The following FAT1 variants were observed in gnomAD, a reference collection of about 807,000 sequenced individuals.
FAT1 encodes the protein protocadherin Fat 1.
FAT1 carries 171 observed loss-of-function variants against 329.8 expected under a neutral mutation model. The ratio of observed to expected loss-of-function variants is 0.52; its 90% CI spans 0.46 to 0.59. The LOEUF (loss-of-function observed/expected upper bound fraction) is 0.59, where lower values mean the gene tolerates loss of function less well. Ranked by LOEUF, FAT1 falls within the 20% of genes least tolerant of loss-of-function variation. The probability of loss-of-function intolerance (pLI) is 0.00; values close to 1 mark genes in which losing one functional copy is unlikely to be tolerated. For missense variants in FAT1, 5,672 were observed against 5,774.4 expected (o/e 0.98, Z 0.57); for synonymous variants, 2,233 against 2,228.6 (o/e 1.00, Z -0.06).
chr4:186,687,728 A>G (rs1472011614), intron 2 of FAT1, among the ~76,000 whole-genome samples: 2 of 152,208 alleles, frequency 1.3e-5, no homozygotes, highest in Non-Finnish European at 2.9e-5. Context: ...AAGATGCTCA[A>G]CTTCTATTAG....
At position 186,596,233 on chromosome 4, in the gene FAT1, A is replaced by AT. The variant is rs1560917540; in HGVS notation, c.13000+306dup. ...TCCTAGCATGAAAATGCTCCCGATTATTTTTTTGACATATTAATAAACTCA... is the reference window on the plus strand; with the variant it reads ...TCCTAGCATGAAAATGCTCCCGATTATTTTTTTTGACATATTAATAAACTCA... On this transcript the variant is annotated intron_variant, in intron 25 of 26. Transcript: ENST00000441802. The surrounding 1 kb of genome is among the most constrained non-coding windows in gnomAD (Gnocchi z 4.7). 2.0e-5 allele frequency among the ~76,000 whole-genome samples: 3 copies of AT among 152,298 alleles called. No homozygotes were observed. Among genetic ancestry groups the AT allele is most frequent in the Admixed American group, 2.0e-4 (3 of 15,302 alleles).
intron 2 of FAT1, among the ~76,000 whole-genome samples, chr4:186,705,139 T>C (rs1579479580): frequency 7.0e-6 from 1 of 142,656 alleles, no homozygotes; most frequent in Admixed American, 7.1e-5. Flanking sequence ...AGGAACGAGG[T>C]TTTGCTGTTA....
chr4:186,599,417 G>T (rs372047661), intron 22 of FAT1, among the ~76,000 whole-genome samples: 4 of 152,146 alleles, frequency 2.6e-5, no homozygotes, highest in African/African-American at 9.7e-5. Context: ...CTACGCCAGG[G>T]CTTCAAGACA....
At position 186,618,044 on chromosome 4, in the gene FAT1, G is replaced by A. The variant is rs1175581679; in HGVS notation, c.8542C>T (p.Leu2848=). ...ACTTCCACACTTTGTGACTGATCCA[G>A]GCTATACATAACTTGGCCGTTGGTT... ...SGTNGQVMYS[L]DQSQSVEVIE... Residue 2848 remains leucine, a synonymous_variant, in exon 10 of 27, where the codon CTG becomes TTG. Coordinates refer to ENST00000441802, the MANE Select transcript of FAT1 (RefSeq NM_005245.4). 4 of 1,614,012 alleles carry A rather than the reference G, an allele frequency of 2.5e-6. No individual in the cohort carries two copies. Among genetic ancestry groups the A allele is most frequent in the Admixed American group, 1.7e-5 (1 of 60,018 alleles).
At chr4:186,688,370 C>G (rs888512291) in intron 2 of FAT1, among the ~76,000 whole-genome samples, 29 of 152,182 alleles carry the variant, frequency 1.9e-4, no homozygotes, top group African/African-American at 6.3e-4. Flanking sequence ...TTAATAGGTC[C>G]TTAATATGTA....
intron 1 of FAT1, among the ~76,000 whole-genome samples, chr4:186,711,420 T>A (rs564246413): frequency 6.6e-6 from 1 of 152,128 alleles, no homozygotes; most frequent in Non-Finnish European, 1.5e-5. Context: ...CCCAAAACTA[T>A]CTCTTTAAGT....
intron 11 of FAT1, among the ~76,000 whole-genome samples, chr4:186,615,069 T>C (rs1043423636): frequency 6.6e-6 from 1 of 152,054 alleles, no homozygotes; most frequent in Non-Finnish European, 1.5e-5. Context: ...CACGGAAAAG[T>C]ACTCCATGAA....
chr4:186,683,525 A>G (rs1318149528), intron 2 of FAT1, among the ~76,000 whole-genome samples: 2 of 152,056 alleles, frequency 1.3e-5, no homozygotes, highest in Non-Finnish European at 2.9e-5. Context: ...CACCCTCTCA[A>G]ATCTTGCCTC....
intron 3 of FAT1, among the ~76,000 whole-genome samples, chr4:186,655,591 C>T (rs901809681): frequency 6.6e-6 from 1 of 152,216 alleles, no homozygotes; most frequent in African/African-American, 2.4e-5. Flanking sequence ...TGCACCACCA[C>T]ACCCAGCTAA....
intron 3 of FAT1, among the ~76,000 whole-genome samples, chr4:186,646,358 A>T (rs947876047): frequency 1.3e-5 from 2 of 152,178 alleles, no homozygotes; most frequent in Non-Finnish European, 2.9e-5. Flanking sequence ...TTTATTTTAC[A>T]ATAATTCATG....
intron 1 of FAT1, among the ~76,000 whole-genome samples, chr4:186,712,867 C>T (rs544995403): frequency 1.3e-5 from 2 of 152,086 alleles, no homozygotes; most frequent in Non-Finnish European, 2.9e-5. Flanking sequence ...AGTCACACCC[C>T]GCAGAGAAGC....
chr4:186,609,361 G>C, intron 15 of FAT1, 41 bp from the exon 16 acceptor site: 1 of 1,600,142 alleles, frequency 6.2e-7, no homozygotes, highest in Non-Finnish European at 8.5e-7. Context: ...CAGCTAAGAA[G>C]AGGCCTAAAC....
At chr4:186,611,320 G>T in intron 14 of FAT1, 66 bp downstream of exon 14, 1 of 1,448,072 alleles carries the variant, frequency 6.9e-7, no homozygotes, top group Non-Finnish European at 9.3e-7. Context: ...ACAAGGCAAC[G>T]TGGTTAAGCA....
rs748406098 is a variant in FAT1, at chr4:186,596,869, G to C, written c.12671C>G (p.Ala4224Gly). The change falls in exon 25 of 27, where the codon GCT (alanine) becomes GGT (glycine). Residue 4224 changes from alanine (A) to glycine (G), a missense_variant. Transcript: ENST00000441802. The surrounding 1 kb of genome is among the most constrained non-coding windows in gnomAD (Gnocchi z 4.7). The stretch of plus-strand genomic sequence containing the variant: ...ATACGGTCTTTGCAAGAAAGCCGTA[G>C]CGGGTCCCAGGTGCTTGTCTTTAGG... Reference protein sequence around the residue: ...AEPKDKHLGPATAFLQRPYFD... With the variant: ...AEPKDKHLGPGTAFLQRPYFD... 1.1e-5 allele frequency: 18 copies of C among 1,614,032 alleles called. No homozygotes were observed. Among genetic ancestry groups the C allele is most frequent in the Non-Finnish European group, 1.1e-5 (13 of 1,179,894 alleles).
At position 186,663,298 on chromosome 4, in the gene FAT1, C is replaced by G. The variant is rs2126616414; in HGVS notation, c.3580+1G>C. The stretch of plus-strand genomic sequence containing the variant: ...TTTCCTATAGCAGTATTAACACATA[C>G]CTGTTTTAGGATGTATTGAAAAGAA... On this transcript the variant is annotated splice_donor_variant, in intron 3 of 26. Transcript: ENST00000441802. LOFTEE classifies it high-confidence loss of function. 1 of 1,606,772 alleles carries G rather than the reference C, an allele frequency of 6.2e-7. No individual in the cohort carries two copies. Among genetic ancestry groups the G allele is most frequent in the East Asian group, 2.2e-5 (1 of 44,818 alleles).
intron 26 of FAT1, among the ~76,000 whole-genome samples, chr4:186,591,404 T>G (rs1181257290): frequency 6.6e-6 from 1 of 152,238 alleles, no homozygotes; most frequent in African/African-American, 2.4e-5. Flanking sequence ...TACGCCGGCA[T>G]TTAGGTAACA....
chr4:186,609,764 TAC>T (rs766651969), intron 15 of FAT1, 35 bp downstream of exon 15: 311 of 1,381,312 alleles, frequency 2.3e-4, no homozygotes, highest in Non-Finnish European at 2.7e-4. Flanking sequence ...ATCCAGAAGA[TAC>T]ACAGTTTTCA....
intron 13 of FAT1, 63 bp downstream of exon 13, chr4:186,613,046 T>C: frequency 1.7e-6 from 2 of 1,175,518 alleles, no homozygotes; most frequent in Admixed American, 1.9e-5. Flanking sequence ...GGGGTGTGTT[T>C]TGAAACAGAG....
intron 7 of FAT1, among the ~76,000 whole-genome samples, chr4:186,629,344 T>G (rs1329028679): frequency 6.6e-6 from 1 of 152,240 alleles, no homozygotes; most frequent in Non-Finnish European, 1.5e-5. Flanking sequence ...ATATGTTTAC[T>G]CCCTAAAACC....
Sources: allele counts gnomAD v4.1 joint callset (sites outside exome capture counted in the v4.1 genomes callset), GRCh38; gene constraint gnomAD v4.1.1; non-coding constraint Gnocchi (gnomAD v3.1); transcripts MANE v1.5; gene names NCBI Gene and HGNC (gene_info 2026-07-23, HGNC 2026-07-21).